Variants in SI observed in about 807,000 individuals in gnomAD.
SI encodes sucrase-isomaltase, intestinal.
SI carries 235 observed loss-of-function variants against 253.3 expected under a neutral mutation model. The observed-to-expected ratio is 0.93, with a 90% CI of 0.83 to 1.03. SI has a LOEUF of 1.03. Among genes scored for constraint, SI ranks in the 50% least tolerant of loss-of-function variants. The probability of loss-of-function intolerance (pLI) is 0.00; values close to 1 mark genes in which losing one functional copy is unlikely to be tolerated. For synonymous variants in SI, 819 were observed against 712.0 expected, an observed-to-expected ratio of 1.15 and a Z score of -2.39; for missense variants, 2,442 against 2,211.1, an observed-to-expected ratio of 1.10 and a Z score of -2.09.
At chr3:165,023,825 AT>A in intron 25 of SI, 49 bp from the exon 26 acceptor site, 1 of 1,313,938 alleles carries the variant, frequency 7.6e-7, no homozygotes, top group Non-Finnish European at 1.1e-6. Context: ...GCCTTGTAAT[AT>A]TTTACTCTTT....
the SI span, among the ~76,000 whole-genome samples, chr3:165,085,974 C>A: frequency 3.9e-4 from 59 of 152,130 alleles, 1 homozygote; most frequent in Non-Finnish European, 8.1e-4. Flanking sequence ...GAAATCCTGG[C>A]CAGGTGTGGT....
At chr3:165,018,101 G>A (rs1719130669) in intron 28 of SI, 35 bp from the exon 29 acceptor site, 2 of 1,136,368 alleles carry the variant, frequency 1.8e-6, no homozygotes. Context: ...TATATTTTAA[G>A]TAACAATAGC....
intron 20 of SI, 59 bp downstream of exon 20, chr3:165,039,019 T>G: frequency 1.9e-6 from 2 of 1,074,992 alleles, no homozygotes; most frequent in Non-Finnish European, 2.9e-6. Flanking sequence ...TAAGTTTCTA[T>G]GTAGAAGTGT....
chr3:165,070,887 C>T (rs1415264637), intron 3 of SI, among the ~76,000 whole-genome samples: 2 of 152,058 alleles, frequency 1.3e-5, no homozygotes, highest in African/African-American at 4.8e-5. Context: ...GCCATGCTGC[C>T]TCCAAAGGCT....
chr3:165,023,803 CAGAAATTATAAGCCTTGTAAT>C, intron 25 of SI, 27 bp from the exon 26 acceptor site: 1 of 1,500,572 alleles, frequency 6.7e-7, no homozygotes, highest in Non-Finnish European at 9.3e-7. Context: ...TGTTCATTGC[CAGAAATTATAAGCCTTGTAAT>C]ATTTTACTCT....
intron 3 of SI, among the ~76,000 whole-genome samples, chr3:165,071,994 T>G (rs1714607268): frequency 6.6e-6 from 1 of 152,162 alleles, no homozygotes; most frequent in African/African-American, 2.4e-5. Flanking sequence ...TTATTCTATA[T>G]TTTGTCATCA....
chr3:164,982,589 T>A (rs1206924649), intron 46 of SI, among the ~76,000 whole-genome samples, 179 bp from the exon 47 acceptor site: 2 of 152,174 alleles, frequency 1.3e-5, no homozygotes, highest in Non-Finnish European at 2.9e-5. Context: ...TTCTTCCTTT[T>A]TTCCTATGTA....
chr3:164,996,803 GTTA>G (rs1718034710), intron 38 of SI, 31 bp from the exon 39 acceptor site: 4 of 919,672 alleles, frequency 4.3e-6, no homozygotes, highest in Non-Finnish European at 6.6e-6. Flanking sequence ...ATCTTAGAAA[GTTA>G]TTATTTCATA....
intron 25 of SI, among the ~76,000 whole-genome samples, chr3:165,024,648 C>T (rs188838080): frequency 6.6e-6 from 1 of 151,054 alleles, no homozygotes; most frequent in Admixed American, 6.6e-5. Context: ...AAATATTTCT[C>T]CCTCAATTCT....
Position 165,075,914 on chromosome 3 carries a change from A to C in SI, c.99T>G (p.Thr33=). The part of the protein sequence containing the change: ...IAIALIVVLA[T]KTPAVDEISD... The stretch of plus-strand genomic sequence containing the variant: ...ACTTACCATCAACAGCAGGTGTCTT[A>C]GTTGCTAAAACAACAATTAAGGCAA... The change falls in exon 2 of 48, where the codon ACT becomes ACG. Residue 33 remains threonine (T), a synonymous_variant. Transcript: ENST00000264382. 2 of 1,586,796 alleles carry C rather than the reference A, an allele frequency of 1.3e-6. No homozygotes were observed. Among genetic ancestry groups the C allele is most frequent in the South Asian group, 2.2e-5 (2 of 90,244 alleles).
chr3:165,004,258 C>T (rs751908018), intron 37 of SI, among the ~76,000 whole-genome samples: 33 of 152,120 alleles, frequency 2.2e-4, no homozygotes, highest in Non-Finnish European at 4.3e-4. Context: ...GACATCATCT[C>T]GCCCTAGTTA....
intron 20 of SI, 76 bp from the exon 21 acceptor site, chr3:165,038,100 A>C: frequency 1.5e-6 from 2 of 1,316,934 alleles, no homozygotes; most frequent in Non-Finnish European, 2.2e-6. Flanking sequence ...ATTAAAAGGC[A>C]TTTTTATTAT....
intron 22 of SI, among the ~76,000 whole-genome samples, chr3:165,034,711 C>T (rs1712438510): frequency 1.3e-5 from 2 of 151,704 alleles, no homozygotes; most frequent in African/African-American, 2.4e-5. Context: ...TATGTGTGTG[C>T]GTGCATGCAC....
chr3:165,009,234 G>A (rs1576882355), intron 35 of SI, 45 bp downstream of exon 35: 2 of 1,306,886 alleles, frequency 1.5e-6, no homozygotes, highest in East Asian at 2.3e-5. Flanking sequence ...CATAATCACT[G>A]CACAATAAAT....
intron 46 of SI, 92 bp downstream of exon 46, chr3:164,982,910 C>T (rs1717258809): frequency 2.4e-6 from 3 of 1,242,376 alleles, no homozygotes; most frequent in African/African-American, 1.5e-5. Flanking sequence ...GTCAGCCTCC[C>T]AATGAACTAG....
intron 33 of SI, among the ~76,000 whole-genome samples, chr3:165,014,307 G>A (rs1718922272): frequency 6.6e-6 from 1 of 151,958 alleles, no homozygotes; most frequent in Non-Finnish European, 1.5e-5. Context: ...GGAGTTCAGT[G>A]GCTCGATCTT....
chr3:165,076,125 T>C, intron 1 of SI, 113 bp from the exon 2 acceptor site: 1 of 720,798 alleles, frequency 1.4e-6, no homozygotes, highest in Non-Finnish European at 2.1e-6. Flanking sequence ...AATGCAGAGT[T>C]GAAGACAGCA....
Position 164,991,352 on chromosome 3 carries a change from C to T in SI, c.5108+1G>A. 6.2e-7 allele frequency: 1 copy of T among 1,613,648 alleles called. No homozygotes were observed. Among genetic ancestry groups the T allele is most frequent in the Non-Finnish European group, 8.5e-7 (1 of 1,179,686 alleles). On this transcript the variant is annotated splice_donor_variant, in intron 44 of 47. Transcript: ENST00000264382. LOFTEE classifies it high-confidence loss of function. ...CTGAGCTTTGTAAACAGTTCACTTACCTGTAAAATGTGTTTTGAGCTGGCT... is the reference window on the plus strand; with the variant it reads ...CTGAGCTTTGTAAACAGTTCACTTATCTGTAAAATGTGTTTTGAGCTGGCT...
intron 37 of SI, among the ~76,000 whole-genome samples, chr3:164,999,048 C>G (rs545267768): frequency 6.6e-6 from 1 of 151,810 alleles, no homozygotes; most frequent in African/African-American, 2.4e-5. Flanking sequence ...ATTGCCCCAA[C>G]GCCTCTCAAC....
Sources: gnomAD v4.1 joint callset for allele counts (sites outside exome capture counted in the v4.1 genomes callset) on GRCh38, gnomAD v4.1.1 for gene constraint, MANE v1.5 for transcripts, NCBI Gene and HGNC (gene_info 2026-07-23, HGNC 2026-07-21) for gene names.